Variants in ZNF687 observed in about 807,000 individuals in gnomAD.
The protein encoded by ZNF687 is zinc finger protein 687.
Under a neutral mutation model 71.8 loss-of-function variants are expected in ZNF687, and 13 were observed. The ratio of observed to expected loss-of-function variants is 0.18; its 90% CI spans 0.12 to 0.29. ZNF687 has a LOEUF of 0.29. ZNF687 is among the 10% of genes least tolerant of loss of function. ZNF687 has a pLI of 1.00. For missense variants in ZNF687, 1,412 were observed against 1,625.6 expected (o/e 0.87, Z 2.26); for synonymous variants, 673 against 641.6 (o/e 1.05, Z -0.74).
chr1:151,283,598 T>C (rs1040092438), intron 1 of ZNF687, among the ~76,000 whole-genome samples: 2 of 152,146 alleles, frequency 1.3e-5, no homozygotes, highest in Middle Eastern at 3.4e-3. Context: ...AGTTCGCAGG[T>C]GTTTTCTCCT....
rs746720567 is a variant in ZNF687, at chr1:151,286,396, G to A, written c.105G>A (p.Glu35=). The change falls in exon 2 of 9, where the codon GAG becomes GAA. Residue 35 remains glutamate (E), a synonymous_variant. Coordinates refer to ENST00000336715, the MANE Select transcript of ZNF687 (RefSeq NM_020832.3). ...EAIHSGPEEN[E]GPGGPGKPEP... ...TCCATTCTGGGCCAGAAGAAAATGA[G>A]GGGCCTGGAGGCCCAGGGAAGCCAG... is the stretch of plus-strand genomic sequence containing the variant. The A allele has an allele frequency of 1.2e-6, 2 of 1,612,824 alleles. No individual in the cohort carries two copies. Among genetic ancestry groups the A allele is most frequent in the South Asian group, 1.1e-5 (1 of 90,888 alleles).
Position 151,286,901 on chromosome 1 carries a change from G to C in ZNF687, c.610G>C (p.Glu204Gln). 1 of 1,613,400 alleles carries C rather than the reference G, an allele frequency of 6.2e-7. No homozygotes were observed. The highest frequency in any genetic ancestry group is 8.5e-7 in the Non-Finnish European group (1 of 1,179,596). The change falls in exon 2 of 9, where the codon GAG (glutamate) becomes CAG (glutamine). Residue 204 changes from glutamate (E) to glutamine (Q), a missense_variant. Physicochemically the swap from Glu to Gln is conservative, Grantham distance 29. Transcript: ENST00000336715. ...CCCCTCTTCCTTTGAGCTGGCCCAG[G>C]AGAATGGCCCAGGCATGCAGCCACC... ...PFPSSFELAQ[E>Q]NGPGMQPPVS...
intron 1 of ZNF687, among the ~76,000 whole-genome samples, 190 bp downstream of exon 1, chr1:151,282,585 A>T (rs1441771869): frequency 6.6e-6 from 1 of 152,130 alleles, no homozygotes; most frequent in East Asian, 1.9e-4. Flanking sequence ...GGCCTGTTGT[A>T]AGCACAGTCC....
chr1:151,289,755 G>T lies in ZNF687; in HGVS notation c.2712G>T (p.Glu904Asp). The change falls in exon 6 of 9, where the codon GAG becomes GAT. Residue 904 changes from glutamate to aspartate, a missense_variant. Transcript: ENST00000336715. Reference sequence around the variant, plus strand: ...GTGCCCTGCTGACCCCCAAGACTGAGCCTGAGGAGCTGGCTGTTTCTCAGG... The same window carrying T: ...GTGCCCTGCTGACCCCCAAGACTGATCCTGAGGAGCTGGCTGTTTCTCAGG... ...AGGALLTPKT[E>D]PEELAVSQGG... 1.3e-6 allele frequency: 2 copies of T among 1,559,856 alleles called. No individual in the cohort carries two copies. Among genetic ancestry groups the T allele is most frequent in the African/African-American group, 2.7e-5 (2 of 73,578 alleles).
At position 151,290,747 on chromosome 1, in the gene ZNF687, C is replaced by T. The variant is rs1694201223; in HGVS notation, c.3252C>T (p.Asp1084=). The change falls in exon 9 of 9, where the codon GAC becomes GAT. Residue 1084 remains aspartate (D), a synonymous_variant. Transcript: ENST00000336715. ...GPGRKRRQSS[D]SCSEEPDSTT... Reference sequence around the variant, plus strand: ...GTCGGAAACGCCGCCAGTCTTCTGACTCTTGCAGTGAGGAGCCTGACAGCA... The same window carrying T: ...GTCGGAAACGCCGCCAGTCTTCTGATTCTTGCAGTGAGGAGCCTGACAGCA... 1 of 1,611,810 alleles carries T rather than the reference C, an allele frequency of 6.2e-7. No individual in the cohort carries two copies. The highest frequency in any genetic ancestry group is 8.5e-7 in the Non-Finnish European group (1 of 1,178,910).
At position 151,286,650 on chromosome 1, in the gene ZNF687, C is replaced by T. The variant is rs1693959249; in HGVS notation, c.359C>T (p.Pro120Leu). The change falls in exon 2 of 9, where the codon CCT (proline) becomes CTT (leucine). Residue 120 changes from proline to leucine, a missense_variant. Around this residue, in one of 8 missense-constraint regions of ZNF687, gnomAD observed 490 missense variants for 489.9 expected, o/e 1.00. Transcript: ENST00000336715. ...GTAACTAAAGAAGGGCCTGTGGGGCCTCATCGAATGCAGAATGGTTTTGGG... is the reference window on the plus strand; with the variant it reads ...GTAACTAAAGAAGGGCCTGTGGGGCTTCATCGAATGCAGAATGGTTTTGGG... ...AGVTKEGPVGPHRMQNGFGSP... is the reference protein window; with the variant it reads ...AGVTKEGPVGLHRMQNGFGSP... 1.2e-6 allele frequency: 2 copies of T among 1,614,102 alleles called. No homozygotes were observed. Among genetic ancestry groups the T allele is most frequent in the African/African-American group, 2.7e-5 (2 of 74,932 alleles).
At chr1:151,283,693 C>A in intron 1 of ZNF687, 1 of 402,634 alleles carries the variant, frequency 2.5e-6, no homozygotes, top group Non-Finnish European at 3.4e-6. Flanking sequence ...AGGAGGGAAC[C>A]AGGCTTAGGA....
rs368803642 is a variant in ZNF687 at position 151,289,986 on chromosome 1, C to T, written c.2943C>T (p.His981=). 1.1e-4 allele frequency: 168 copies of T among 1,582,372 alleles called. No individual in the cohort carries two copies. The highest frequency in any genetic ancestry group is 1.3e-4 in the Non-Finnish European group (151 of 1,161,776). ...WFPERDEYVA[H]MKKEHGKSVK... ...CTGAGCGTGATGAATACGTGGCCCA[C>T]ATGAAGAAGGAGCATGGCAAGGTGA... is the stretch of plus-strand genomic sequence containing the variant. The change falls in exon 6 of 9, where the codon CAC becomes CAT. Residue 981 remains histidine (H), a synonymous_variant. Transcript: ENST00000336715.
At position 151,286,701 on chromosome 1, in the gene ZNF687, C is replaced by A; in HGVS notation, c.410C>A (p.Thr137Asn). 6.2e-7 allele frequency: 1 copy of A among 1,614,194 alleles called. No individual in the cohort carries two copies. Among genetic ancestry groups the A allele is most frequent in the Non-Finnish European group, 8.5e-7 (1 of 1,180,018 alleles). The change falls in exon 2 of 9, where the codon ACT becomes AAT. Residue 137 changes from threonine to asparagine, a missense_variant. Around this residue, in one of 8 missense-constraint regions of ZNF687, gnomAD observed 490 missense variants for 489.9 expected, o/e 1.00. Transcript: ENST00000336715. ...FGSPEPSLPG[T>N]PHSPAPPSGG... Reference sequence around the variant, plus strand: ...AGCCCTGAACCTTCCCTCCCAGGAACTCCCCACTCTCCTGCTCCTCCCAGT... The same window carrying A: ...AGCCCTGAACCTTCCCTCCCAGGAAATCCCCACTCTCCTGCTCCTCCCAGT...
chr1:151,288,767 G>A, intron 3 of ZNF687, 61 bp downstream of exon 3: 1 of 1,526,214 alleles, frequency 6.6e-7, no homozygotes, highest in Non-Finnish European at 8.9e-7. Flanking sequence ...CTCAGCCTCA[G>A]ATGGCCTTTC....
At position 151,289,855 on chromosome 1, in the gene ZNF687, C is replaced by A. The variant is rs879621167; in HGVS notation, c.2812C>A (p.Pro938Thr). 1 of 1,567,518 alleles carries A rather than the reference C, an allele frequency of 6.4e-7. No homozygotes were observed. Among genetic ancestry groups the A allele is most frequent in the East Asian group, 2.4e-5 (1 of 42,184 alleles). The change falls in exon 6 of 9, where the codon CCC becomes ACC. Residue 938 changes from proline (P) to threonine (T), a missense_variant. By Grantham distance (38) the Pro-to-Thr change is conservative. Coordinates refer to ENST00000336715, the MANE Select transcript of ZNF687 (RefSeq NM_020832.3). ...GGAAGTACCCAGCTCCCCTGAGCCC[C>A]CCCGTCCAGCCAAACGGCCTCGGCG... ...EEEVPSSPEP[P>T]RPAKRPRREL... is the part of the protein sequence containing the mutation.
chr1:151,284,289 C>A, intron 1 of ZNF687: 1 of 984,470 alleles, frequency 1.0e-6, no homozygotes, highest in Non-Finnish European at 1.2e-6. Context: ...GAGTTTTAGC[C>A]TCGGGAAAGC....
upstream of ZNF687, chr1:151,281,931 G>A (rs1693727202): frequency 2.0e-6 from 2 of 989,650 alleles, no homozygotes; most frequent in Non-Finnish European, 2.7e-6. Context: ...AGTAGGGAGC[G>A]AGGGGCGGAG....
intron 1 of ZNF687, 128 bp from the exon 2 acceptor site, chr1:151,286,147 G>A (rs1007395776): frequency 4.1e-5 from 29 of 705,176 alleles, no homozygotes; most frequent in East Asian, 1.1e-4. Context: ...ATGCCGTGGC[G>A]GAGGTGTACC....
In ZNF687 at chr1:151,286,990, C is replaced by G; in HGVS notation, c.699C>G (p.Val233=). The stretch of plus-strand genomic sequence containing the variant: ...GCTGCAGCCCCCATCATCCCCAGGT[C>G]CTAGCCCAACAAGGCTCAGGCTCCA... ...QESCSPHHPQ[V]LAQQGSGSSP... is the part of the protein sequence containing the mutation. The change falls in exon 2 of 9, where the codon GTC becomes GTG. Residue 233 remains valine (V), a synonymous_variant. Transcript: ENST00000336715. 6.2e-7 allele frequency: 1 copy of G among 1,602,620 alleles called. No homozygotes were observed. Among genetic ancestry groups the G allele is most frequent in the Non-Finnish European group, 8.5e-7 (1 of 1,172,996 alleles).
At position 151,289,466 on chromosome 1, in the gene ZNF687, C is replaced by T. The variant is rs587743081; in HGVS notation, c.2560C>T (p.Arg854Cys). Residue 854 changes from arginine (R) to cysteine (C), a missense_variant, in exon 5 of 9, where the codon CGT (arginine) becomes TGT (cysteine). Coordinates refer to ENST00000336715, the MANE Select transcript of ZNF687 (RefSeq NM_020832.3). ...SHFDQHLLPQRVSVFKCPSCP... is the reference protein window; with the variant it reads ...SHFDQHLLPQCVSVFKCPSCP... Reference sequence around the variant, plus strand: ...CTTCGACCAGCACTTGCTGCCCCAGCGTGTCAGTGTCTTTAAGTGCCCGTC... The same window carrying T: ...CTTCGACCAGCACTTGCTGCCCCAGTGTGTCAGTGTCTTTAAGTGCCCGTC... 12 of 1,614,176 alleles carry T rather than the reference C, an allele frequency of 7.4e-6. No individual in the cohort carries two copies. The East Asian group carries it at 1.3e-4, about 18-fold the overall frequency.
Position 151,287,897 on chromosome 1 carries a change from C to T in ZNF687, c.1606C>T (p.Leu536=). Residue 536 remains leucine (L), a synonymous_variant, in exon 2 of 9, where the codon CTG becomes TTG. Coordinates refer to ENST00000336715, the MANE Select transcript of ZNF687 (RefSeq NM_020832.3). This position sits in a 1 kb window ranked among gnomAD's most constrained non-coding sequence, Gnocchi z 5.0. ...CCTGCCTCCCACCGGCTACCGCTGCCTGGAGTGTGGGGATGCCTTCTCATT... is the reference window on the plus strand; with the variant it reads ...CCTGCCTCCCACCGGCTACCGCTGCTTGGAGTGTGGGGATGCCTTCTCATT... ...LALPPTGYRC[L]ECGDAFSLEK... is the part of the protein sequence containing the mutation. The T allele has an allele frequency of 6.2e-7, 1 of 1,613,948 alleles. No individual in the cohort carries two copies. Among genetic ancestry groups the T allele is most frequent in the African/African-American group, 1.3e-5 (1 of 75,046 alleles).
In ZNF687 at chr1:151,292,123, GAC is replaced by G. The variant is rs1390723711; in HGVS notation, c.*918_*919del. The G allele has an allele frequency of 6.6e-6, 1 of 152,286 alleles. No homozygotes were observed. Among genetic ancestry groups the G allele is most frequent in the Non-Finnish European group, 1.5e-5 (1 of 68,136 alleles). 9.4% of individuals were successfully genotyped at this position (152,286 alleles called of 1,614,324 possible). On this transcript the variant is annotated 3_prime_UTR_variant, in exon 9 of 9. Coordinates refer to ENST00000336715, the MANE Select transcript of ZNF687 (RefSeq NM_020832.3). ...GCACTCCCCCAGAAAACCTGGAAATGACACAAGTGGCTAACTAAGGACTTTAT... is the reference window on the plus strand; with the variant it reads ...GCACTCCCCCAGAAAACCTGGAAATGACAAGTGGCTAACTAAGGACTTTAT...
chr1:151,286,393 T>C lies in ZNF687; in HGVS notation c.102T>C (p.Asn34=), dbSNP rs750858337. The part of the protein sequence containing the change: ...NEAIHSGPEE[N]EGPGGPGKPE... Reference sequence around the variant, plus strand: ...CCATCCATTCTGGGCCAGAAGAAAATGAGGGGCCTGGAGGCCCAGGGAAGC... The same window carrying C: ...CCATCCATTCTGGGCCAGAAGAAAACGAGGGGCCTGGAGGCCCAGGGAAGC... Residue 34 remains asparagine (N), a synonymous_variant, in exon 2 of 9, where the codon AAT becomes AAC. Coordinates refer to ENST00000336715, the MANE Select transcript of ZNF687 (RefSeq NM_020832.3). The C allele has an allele frequency of 4.7e-5, 76 of 1,612,512 alleles. No individual in the cohort carries two copies. The highest frequency in any genetic ancestry group is 8.5e-7 in the Non-Finnish European group (1 of 1,179,674).
Sources: allele counts gnomAD v4.1 joint callset (sites outside exome capture counted in the v4.1 genomes callset), GRCh38; gene constraint gnomAD v4.1.1; regional missense constraint gnomAD v4.1.1; non-coding constraint Gnocchi (gnomAD v3.1); transcripts MANE v1.5; gene names NCBI Gene and HGNC (gene_info 2026-07-23, HGNC 2026-07-21).